Variants in MAGI2 observed in about 807,000 individuals in gnomAD.
The protein encoded by MAGI2 is membrane associated guanylate kinase, WW and PDZ domain containing 2, also known as membrane-associated guanylate kinase, WW and PDZ domain-containing protein 2.
A neutral mutation model predicts 133.3 loss-of-function variants in MAGI2; 35 were observed. That is an observed-to-expected ratio of 0.26 (90% CI 0.20 to 0.35). MAGI2 has a LOEUF of 0.35. Ranked by LOEUF, MAGI2 falls within the 10% of genes least tolerant of loss-of-function variation. The pLI is 1.00. For missense variants in MAGI2, 1,636 were observed against 1,863.4 expected (o/e 0.88, Z 2.25); for synonymous variants, 729 against 710.6 (o/e 1.03, Z -0.41).
rs566107534 is a variant in MAGI2 at position 78,370,500 on chromosome 7, A to G, written c.1046-1287T>C. Among the ~76,000 whole-genome samples, 278 of 151,976 alleles carry G rather than the reference A, an allele frequency of 1.8e-3. 1 individual carries two copies. The highest frequency in any genetic ancestry group is 3.3e-3 in the Non-Finnish European group (225 of 67,830). On this transcript the variant is annotated intron_variant, in intron 6 of 21. Coordinates refer to ENST00000354212, the MANE Select transcript of MAGI2 (RefSeq NM_012301.4). ...CCTACTAAAATGTAAATCTTTTATC[A>G]TATTTCTATAATATAGTATGGAAAA...
rs1792965597 is a variant in MAGI2, at chr7:78,256,263, C to CCAT, written c.1724_1726dup (p.Asp575dup). On this transcript the variant is annotated inframe_insertion, in exon 10 of 22. Coordinates refer to ENST00000354212, the MANE Select transcript of MAGI2 (RefSeq NM_012301.4). ...CGGTGGATACGTGCCGTCTAGCTGA[C>CCAT]CATCAGTTGGCATGGAGTGCAGAGA... is the stretch of plus-strand genomic sequence containing the variant. The CCAT allele has an allele frequency of 1.2e-5, 19 of 1,613,920 alleles. No individual in the cohort carries two copies. Among genetic ancestry groups the CCAT allele is most frequent in the Non-Finnish European group, 1.4e-5 (17 of 1,179,996 alleles).
At chr7:79,027,063 G>GAT (rs1809964753) in intron 1 of MAGI2, among the ~76,000 whole-genome samples, 1 of 152,082 alleles carries the variant, frequency 6.6e-6, no homozygotes, top group South Asian at 2.1e-4. Context: ...TGTTGGTGGG[G>GAT]ATGTGGTGAA....
At chr7:78,177,779 G>C (rs917721899) in intron 14 of MAGI2, among the ~76,000 whole-genome samples, 1 of 152,008 alleles carries the variant, frequency 6.6e-6, no homozygotes, top group Non-Finnish European at 1.5e-5. Flanking sequence ...TCTAAAAAAA[G>C]AGCAATGTCC....
intron 10 of MAGI2, among the ~76,000 whole-genome samples, chr7:78,238,542 AAAT>A (rs1164356499): frequency 1.3e-5 from 2 of 151,820 alleles, no homozygotes; most frequent in African/African-American, 4.8e-5. Flanking sequence ...CTCAAAAAAA[AAAT>A]CTTTGATTTT....
chr7:78,389,755 A>G (rs1795732483), intron 6 of MAGI2, among the ~76,000 whole-genome samples: 2 of 152,182 alleles, frequency 1.3e-5, no homozygotes, highest in Admixed American at 1.3e-4. Flanking sequence ...GAGAGAAGAA[A>G]AAGTTGACAT....
At chr7:78,332,567 G>A (rs1290234530) in intron 9 of MAGI2, among the ~76,000 whole-genome samples, 7 of 151,990 alleles carry the variant, frequency 4.6e-5, no homozygotes, top group African/African-American at 1.2e-4. Flanking sequence ...GTGTTGTGGC[G>A]GGCGCCTGTA....
intron 10 of MAGI2, among the ~76,000 whole-genome samples, chr7:78,226,116 AT>A (rs200631533): frequency 0.015 from 2,230 of 152,232 alleles, 61 homozygotes; most frequent in African/African-American, 0.051. Flanking sequence ...ACTCATGTCA[AT>A]TTGCCATATG....
intron 2 of MAGI2, among the ~76,000 whole-genome samples, chr7:78,730,595 T>C (rs542949836): frequency 3.0e-4 from 46 of 152,232 alleles, no homozygotes; most frequent in African/African-American, 1.0e-3. Flanking sequence ...ATAGTAAAGA[T>C]GTACAGCGCA....
chr7:78,415,586 T>C (rs906294902), intron 6 of MAGI2, among the ~76,000 whole-genome samples: 3 of 152,026 alleles, frequency 2.0e-5, no homozygotes, highest in African/African-American at 4.8e-5. Context: ...TCTGCTCCCA[T>C]TTTCTGATCT....
intron 21 of MAGI2, among the ~76,000 whole-genome samples, chr7:78,031,003 T>A (rs1222274273): frequency 6.6e-6 from 1 of 152,222 alleles, no homozygotes; most frequent in Non-Finnish European, 1.5e-5. Context: ...GGATAAGCAC[T>A]CTGTGGTACA....
intron 9 of MAGI2, among the ~76,000 whole-genome samples, chr7:78,281,702 A>G (rs984941774): frequency 1.7e-5 from 2 of 120,446 alleles, no homozygotes; most frequent in South Asian, 3.0e-4. Context: ...TTCATTTGTG[A>G]ACTCACTCTC....
intron 2 of MAGI2, among the ~76,000 whole-genome samples, chr7:78,750,087 T>C (rs1010851751): frequency 6.6e-6 from 1 of 152,152 alleles, no homozygotes; most frequent in East Asian, 1.9e-4. Flanking sequence ...CATCTCCATG[T>C]GTTTTCACTG....
intron 2 of MAGI2, among the ~76,000 whole-genome samples, chr7:78,822,782 G>A (rs1027276205): frequency 6.6e-6 from 1 of 152,132 alleles, no homozygotes; most frequent in African/African-American, 2.4e-5. Flanking sequence ...GAGATCTTAT[G>A]TGGAGGAATG....
chr7:78,487,174 G>GAAA (rs35515187), intron 6 of MAGI2: 18 of 173,980 alleles, frequency 1.0e-4, no homozygotes, highest in African/African-American at 1.8e-4. Flanking sequence ...GCAGGATGGG[G>GAAA]AAAAAAAAAA....
rs562545269 is a variant in MAGI2, at chr7:78,746,795, C to T, written c.419-119556G>A. Among the ~76,000 whole-genome samples the T allele has an allele frequency of 4.8e-4, 73 of 152,216 alleles. No individual in the cohort carries two copies. In the South Asian group the frequency reaches 0.015, roughly 30 times the overall value. ...GAGTTTTCTAGTTTTTTTTACAAAGCATATTAATTATGTGCTTCCCACCCC... is the reference window on the plus strand; with the variant it reads ...GAGTTTTCTAGTTTTTTTTACAAAGTATATTAATTATGTGCTTCCCACCCC... On this transcript the variant is annotated intron_variant, in intron 2 of 21. Transcript: ENST00000354212.
chr7:78,397,071 G>T (rs942652784), intron 6 of MAGI2, among the ~76,000 whole-genome samples: 1 of 151,894 alleles, frequency 6.6e-6, no homozygotes. Context: ...GGATGGAAAT[G>T]GTTATTTTGA....
chr7:78,927,191 G>C (rs1799768305), intron 2 of MAGI2, among the ~76,000 whole-genome samples: 1 of 151,998 alleles, frequency 6.6e-6, no homozygotes, highest in Non-Finnish European at 1.5e-5. Context: ...CTGTCTCCCA[G>C]AAAATAGCTA....
At chr7:79,153,326 C>G (rs935822902) in intron 1 of MAGI2, among the ~76,000 whole-genome samples, 4 of 152,160 alleles carry the variant, frequency 2.6e-5, no homozygotes, top group Admixed American at 1.3e-4. Context: ...GCACCACTGG[C>G]GAGCAGCAGA....
chr7:78,903,210 T>C (rs1171709792), intron 2 of MAGI2, among the ~76,000 whole-genome samples: 3 of 94,420 alleles, frequency 3.2e-5, no homozygotes, highest in African/African-American at 8.6e-5. Flanking sequence ...TTTTTTTTTT[T>C]TGAGACAGAG....
Sources: gnomAD v4.1 joint callset for allele counts (sites outside exome capture counted in the v4.1 genomes callset) on GRCh38, gnomAD v4.1.1 for gene constraint, MANE v1.5 for transcripts, NCBI Gene and HGNC (gene_info 2026-07-23, HGNC 2026-07-21) for gene names.